Variants in STK31 observed in about 807,000 individuals in gnomAD.
The protein encoded by STK31 is serine/threonine kinase 31, also known as serine/threonine-protein kinase 31.
Under a neutral mutation model 129.7 loss-of-function variants are expected in STK31, and 89 were observed. The observed-to-expected ratio is 0.69, with a 90% CI of 0.58 to 0.82. The LOEUF (loss-of-function observed/expected upper bound fraction) is 0.82, where lower values mean the gene tolerates loss of function less well. Among genes scored for constraint, STK31 ranks in the 40% least tolerant of loss-of-function variants. The probability of loss-of-function intolerance (pLI) is 0.00; values close to 1 mark genes in which losing one functional copy is unlikely to be tolerated. For synonymous variants in STK31, 448 were observed against 395.3 expected (o/e 1.13, Z -1.58); for missense variants, 1,187 against 1,176.4 (o/e 1.01, Z -0.13).
rs568701124 is a variant in STK31, at chr7:23,785,269, A to G, written c.2149-209A>G. 1.3e-5 allele frequency among the ~76,000 whole-genome samples: 2 copies of G among 150,182 alleles called. 1 individual carries two copies. Among genetic ancestry groups the G allele is most frequent in the South Asian group, 4.1e-4 (2 of 4,830 alleles). The stretch of plus-strand genomic sequence containing the variant: ...CTGTTCTAAAATTATAGCAGTAATT[A>G]AATGTATGGTGATTACACTTTGGGT... On this transcript the variant is annotated intron_variant, in intron 17 of 23. Transcript: ENST00000355870.
intron 23 of STK31, among the ~76,000 whole-genome samples, chr7:23,825,714 C>T (rs1487612767): frequency 6.6e-6 from 1 of 152,082 alleles, no homozygotes; most frequent in Non-Finnish European, 1.5e-5. Context: ...TAGATCTTTC[C>T]TGCTTTCTCT....
intron 12 of STK31, 49 bp from the exon 13 acceptor site, chr7:23,769,591 G>T: frequency 7.9e-7 from 1 of 1,268,050 alleles, no homozygotes; most frequent in Non-Finnish European, 1.1e-6. Context: ...CACGATGAAT[G>T]CTGATTGAAT....
intron 15 of STK31, among the ~76,000 whole-genome samples, chr7:23,774,960 G>C (rs1023863101): frequency 1.3e-5 from 2 of 152,184 alleles, no homozygotes; most frequent in Non-Finnish European, 2.9e-5. Context: ...TGTATAAGGT[G>C]TAAGGAAGGT....
chr7:23,823,045 C>T (rs80105058), intron 23 of STK31, among the ~76,000 whole-genome samples: 21,581 of 152,056 alleles, frequency 0.14, 1,882 homozygotes, highest in Middle Eastern at 0.21. Context: ...TGAATAGTGC[C>T]GCAATAAACG....
upstream of STK31, chr7:23,710,115 C>G (rs977325566): frequency 2.6e-6 from 3 of 1,175,412 alleles, no homozygotes; most frequent in African/African-American, 4.5e-5. Context: ...TCAGGCGGCT[C>G]CCGCACGCTT....
intron 22 of STK31, among the ~76,000 whole-genome samples, chr7:23,792,708 C>CT (rs1791714606): frequency 6.6e-6 from 1 of 152,104 alleles, no homozygotes; most frequent in Non-Finnish European, 1.5e-5. Flanking sequence ...GATTTTATGA[C>CT]TTAATAGATT....
chr7:23,759,703 A>G (rs1050630104), intron 10 of STK31, among the ~76,000 whole-genome samples: 2 of 152,202 alleles, frequency 1.3e-5, no homozygotes, highest in Admixed American at 1.3e-4. Flanking sequence ...AATGTGATAA[A>G]ATATTTCAAC....
At chr7:23,793,860 C>G (rs1791791004) in intron 22 of STK31, among the ~76,000 whole-genome samples, 1 of 152,068 alleles carries the variant, frequency 6.6e-6, no homozygotes. Context: ...ACCCTATGAC[C>G]CAGCAATTCC....
At chr7:23,812,595 TGGGCTTTTA>T (rs1430955721) in intron 22 of STK31, among the ~76,000 whole-genome samples, 1 of 152,086 alleles carries the variant, frequency 6.6e-6, no homozygotes, top group Non-Finnish European at 1.5e-5. Context: ...TGGTGAAGTC[TGGGCTTTTA>T]GTGTAATTTT....
intron 5 of STK31, chr7:23,727,588 A>G (rs762843121): frequency 1.4e-3 from 349 of 249,460 alleles, no homozygotes; most frequent in Non-Finnish European, 2.0e-3. Flanking sequence ...TTTGAGATGG[A>G]GTCTTTCTGT....
intron 21 of STK31, among the ~76,000 whole-genome samples, 163 bp downstream of exon 21, chr7:23,788,292 G>A (rs117635012): frequency 0.027 from 4,040 of 152,206 alleles, 66 homozygotes; most frequent in Non-Finnish European, 0.04. Flanking sequence ...CTAGATGCTA[G>A]AACAGCAGGA....
intron 15 of STK31, among the ~76,000 whole-genome samples, chr7:23,780,421 T>C (rs1790849872): frequency 6.6e-6 from 1 of 152,180 alleles, no homozygotes; most frequent in Non-Finnish European, 1.5e-5. Context: ...TGTGCCTTTC[T>C]CAGAGATGAT....
At chr7:23,813,078 C>CTTTTTTTTTTTTTTTTTTT (rs70956924) in intron 22 of STK31, among the ~76,000 whole-genome samples, 20 of 94,112 alleles carry the variant, frequency 2.1e-4, no homozygotes, top group East Asian at 3.4e-4. Context: ...GCTCTCTGTT[C>CTTTTTTTTTTTTTTTTTTT]TTTTTTTTTT....
chr7:23,771,004 G>C lies in STK31; in HGVS notation c.1714-1G>C. 1 of 1,607,614 alleles carries C rather than the reference G, an allele frequency of 6.2e-7. No individual in the cohort carries two copies. The highest frequency in any genetic ancestry group is 8.5e-7 in the Non-Finnish European group (1 of 1,177,344). On this transcript the variant is annotated splice_acceptor_variant, in intron 13 of 23. Coordinates refer to ENST00000355870, the MANE Select transcript of STK31 (RefSeq NM_031414.5). LOFTEE classifies it high-confidence loss of function. The stretch of plus-strand genomic sequence containing the variant: ...AATTCTATGTGTGTGATTTCATTTA[G>C]GATCAAGGTGATGCAGACAAGGAGA...
chr7:23,757,691 TGCCTTCCTCTTATCTCAACTGCAAAGAG>T (rs1789182375), intron 10 of STK31, among the ~76,000 whole-genome samples: 1 of 151,786 alleles, frequency 6.6e-6, no homozygotes. Context: ...AGGAGACAGA[TGCCTTCCTCTTATCTCAACTGCAAAGAG>T]GCCTTCCTCT....
At chr7:23,738,528 T>C (rs1584358837) in intron 8 of STK31, among the ~76,000 whole-genome samples, 1 of 152,282 alleles carries the variant, frequency 6.6e-6, no homozygotes, top group Non-Finnish European at 1.5e-5. Context: ...GCTCGGACTA[T>C]AGGTATGTGC....
At chr7:23,750,413 A>C (rs1447533373) in intron 8 of STK31, among the ~76,000 whole-genome samples, 1 of 152,140 alleles carries the variant, frequency 6.6e-6, no homozygotes, top group Non-Finnish European at 1.5e-5. Flanking sequence ...GATCTGAGAA[A>C]AGTTGTTGAT....
At chr7:23,768,410 C>CAT (rs1385008830) in intron 11 of STK31, among the ~76,000 whole-genome samples, 8 of 152,070 alleles carry the variant, frequency 5.3e-5, no homozygotes, top group Non-Finnish European at 1.0e-4. Flanking sequence ...CATGATTGTC[C>CAT]ATATATATGT....
At chr7:23,743,065 A>T (rs1161778784) in intron 8 of STK31, among the ~76,000 whole-genome samples, 3 of 149,628 alleles carry the variant, frequency 2.0e-5, no homozygotes, top group Middle Eastern at 3.4e-3. Flanking sequence ...CAGTTCTCCT[A>T]CTTCAGCCCC....
Sources: gnomAD v4.1 joint callset for allele counts (sites outside exome capture counted in the v4.1 genomes callset) on GRCh38, gnomAD v4.1.1 for gene constraint, MANE v1.5 for transcripts, NCBI Gene and HGNC (gene_info 2026-07-23, HGNC 2026-07-21) for gene names.